GNG2: variants seen among roughly 807,000 people sequenced by gnomAD.
The protein encoded by GNG2 is G protein subunit gamma 2.
GNG2 carries 5 observed loss-of-function variants against 5.5 expected under a neutral mutation model. That is an observed-to-expected ratio of 0.91 (90% CI 0.48 to 1.92). GNG2 has a LOEUF of 1.92. Among genes scored for constraint, GNG2 ranks in the 30% most tolerant of loss-of-function variants. The probability of loss-of-function intolerance (pLI) is 0.01; values close to 1 mark genes in which losing one functional copy is unlikely to be tolerated. For missense variants in GNG2, 55 were observed against 88.4 expected, an observed-to-expected ratio of 0.62 and a Z score of 1.52; for synonymous variants, 28 against 32.0, an observed-to-expected ratio of 0.88 and a Z score of 0.42.
intron 1 of GNG2, among the ~76,000 whole-genome samples, chr14:51,869,198 A>T (rs1883136099): frequency 6.6e-6 from 1 of 152,262 alleles, no homozygotes; most frequent in African/African-American, 2.4e-5. Flanking sequence ...AGCTAGTTTT[A>T]AAAATAACCC....
chr14:51,834,507 A>T (rs1881282180), intron 2 of GNG2, among the ~76,000 whole-genome samples: 1 of 152,358 alleles, frequency 6.6e-6, no homozygotes, highest in East Asian at 1.9e-4. Flanking sequence ...AAGGCTGGCA[A>T]GGTGCTAATG....
At chr14:51,965,432 G>A (rs114970361) in intron 3 of GNG2, among the ~76,000 whole-genome samples, 3,104 of 152,154 alleles carry the variant, frequency 0.02, 112 homozygotes, top group African/African-American at 0.072. Context: ...ATGACTTTTA[G>A]TTTATTTCCT....
At chr14:51,933,666 G>A (rs766424973) in intron 2 of GNG2, among the ~76,000 whole-genome samples, 5 of 152,210 alleles carry the variant, frequency 3.3e-5, no homozygotes, top group Admixed American at 6.5e-5. Context: ...GCCGCTGCTC[G>A]AGTGAAGGGG....
At chr14:51,843,434 G>A (rs574066054) in intron 2 of GNG2, among the ~76,000 whole-genome samples, 345 of 152,234 alleles carry the variant, frequency 2.3e-3, no homozygotes, top group African/African-American at 8.0e-3. Context: ...TCGGGGGTGA[G>A]GGGAGGGAGA....
At chr14:51,866,664 G>A (rs181887756) in intron 1 of GNG2, among the ~76,000 whole-genome samples, 4 of 152,194 alleles carry the variant, frequency 2.6e-5, no homozygotes, top group Non-Finnish European at 4.4e-5. Context: ...AGCACTTTCT[G>A]TGTGTCCCCA....
chr14:51,880,967 G>GAAAAA (rs11463019), intron 2 of GNG2, among the ~76,000 whole-genome samples: 22 of 101,972 alleles, frequency 2.2e-4, no homozygotes, highest in African/African-American at 3.8e-4. Context: ...CAAAAAAAAA[G>GAAAAA]AAAAAAAAAA....
At chr14:51,856,110 G>A (rs912315765), upstream of GNG2, among the ~76,000 whole-genome samples, 3 of 152,116 alleles carry the variant, frequency 2.0e-5, no homozygotes, top group African/African-American at 7.2e-5. Context: ...CCTGGGAGGT[G>A]GAGGTTGCAG....
chr14:51,938,881 G>A (rs1242957291), intron 2 of GNG2, among the ~76,000 whole-genome samples: 1 of 152,214 alleles, frequency 6.6e-6, no homozygotes, highest in African/African-American at 2.4e-5. Context: ...GAGAGACACT[G>A]AGGATTTAGG....
intron 2 of GNG2, among the ~76,000 whole-genome samples, chr14:51,881,588 A>C (rs1884075292): frequency 6.6e-6 from 1 of 152,016 alleles, no homozygotes; most frequent in Admixed American, 6.6e-5. Flanking sequence ...TTTTATTTTG[A>C]GAATTTTATT....
chr14:51,893,583 C>A (rs1884998241), intron 2 of GNG2, among the ~76,000 whole-genome samples: 1 of 151,814 alleles, frequency 6.6e-6, no homozygotes, highest in South Asian at 2.1e-4. Context: ...TTTTCTTTTT[C>A]TTTCTTTTTT....
chr14:51,875,776 A>C (rs904525414), intron 1 of GNG2, among the ~76,000 whole-genome samples: 3 of 150,740 alleles, frequency 2.0e-5, no homozygotes, highest in Non-Finnish European at 4.4e-5. Flanking sequence ...AATATTTTAT[A>C]TTTTTTACTT....
At chr14:51,858,494 A>AGCCT (rs1882266341), upstream of GNG2, among the ~76,000 whole-genome samples, 2 of 152,204 alleles carry the variant, frequency 1.3e-5, no homozygotes. Flanking sequence ...TATAAATACC[A>AGCCT]ACCTATATAG....
chr14:51,939,339 C>T (rs1226375089), intron 2 of GNG2, among the ~76,000 whole-genome samples: 2 of 152,110 alleles, frequency 1.3e-5, no homozygotes, highest in Admixed American at 6.5e-5. Context: ...AGTCATTTTT[C>T]GAGGACTCTG....
intron 1 of GNG2, among the ~76,000 whole-genome samples, chr14:51,876,593 T>C (rs138294676): frequency 3.9e-3 from 597 of 152,298 alleles, no homozygotes; most frequent in Middle Eastern, 0.01. Context: ...CGAAAATAAG[T>C]TGTTTTTAGC....
At chr14:51,856,680 C>A (rs1244245572), upstream of GNG2, among the ~76,000 whole-genome samples, 2 of 152,228 alleles carry the variant, frequency 1.3e-5, no homozygotes, top group African/African-American at 2.4e-5. Flanking sequence ...ATCTGCCTGC[C>A]TTGGCCTCCC....
At chr14:51,956,060 C>A (rs1254128904) in intron 3 of GNG2, among the ~76,000 whole-genome samples, 1 of 152,150 alleles carries the variant, frequency 6.6e-6, no homozygotes. Flanking sequence ...GAGAGTATCC[C>A]TTCCCTAAAA....
chr14:51,899,743 TA>T (rs1885431577), intron 2 of GNG2, among the ~76,000 whole-genome samples: 1 of 152,266 alleles, frequency 6.6e-6, no homozygotes, highest in Admixed American at 6.5e-5. Context: ...TACATACATA[TA>T]AGTGGAATCA....
intron 2 of GNG2, among the ~76,000 whole-genome samples, chr14:51,923,638 T>G (rs1346632514): frequency 6.6e-6 from 1 of 152,108 alleles, no homozygotes; most frequent in Non-Finnish European, 1.5e-5. Flanking sequence ...TGGCTGACCT[T>G]AAATGGATTT....
chr14:51,903,999 T>G (rs777989856), intron 2 of GNG2, among the ~76,000 whole-genome samples: 4 of 152,172 alleles, frequency 2.6e-5, no homozygotes, highest in Non-Finnish European at 4.4e-5. Flanking sequence ...AGAAGGAATT[T>G]CTCAAAAGGC....
Sources: allele counts gnomAD v4.1 joint callset (sites outside exome capture counted in the v4.1 genomes callset), GRCh38; gene constraint gnomAD v4.1.1; transcripts MANE v1.5; gene names NCBI Gene and HGNC (gene_info 2026-07-23, HGNC 2026-07-21).